SEL1L2: variants seen among roughly 807,000 people sequenced by gnomAD.
The protein encoded by SEL1L2 is protein sel-1 homolog 2.
A neutral mutation model predicts 98.8 loss-of-function variants in SEL1L2; 89 were observed. The ratio of observed to expected loss-of-function variants is 0.90; its 90% confidence interval spans 0.76 to 1.07. The LOEUF (loss-of-function observed/expected upper bound fraction) is 1.07, where lower values mean the gene tolerates loss of function less well. Among genes scored for constraint, SEL1L2 ranks in the 50% least tolerant of loss-of-function variants. The pLI is 0.00. For synonymous variants in SEL1L2, 262 were observed against 278.5 expected (o/e 0.94, Z 0.59); for missense variants, 788 against 812.0 (o/e 0.97, Z 0.36).
chr20:13,905,960 C>T (rs2047912320), intron 5 of SEL1L2, among the ~76,000 whole-genome samples: 1 of 151,234 alleles, frequency 6.6e-6, no homozygotes, highest in Non-Finnish European at 1.5e-5. Flanking sequence ...CTGCAACCTC[C>T]ACCTCCCAGG....
intron 1 of SEL1L2, among the ~76,000 whole-genome samples, chr20:13,975,303 A>G (rs1441270018): frequency 6.6e-6 from 1 of 152,216 alleles, no homozygotes; most frequent in African/African-American, 2.4e-5. Context: ...AAGCAAACAT[A>G]TGTATATTAC....
chr20:13,918,898 G>A (rs1455092993), intron 4 of SEL1L2, 123 bp downstream of exon 4: 1 of 651,088 alleles, frequency 1.5e-6, no homozygotes, highest in Non-Finnish European at 2.7e-6. Flanking sequence ...AAAAACAATA[G>A]TTTATGGGCA....
chr20:13,948,969 A>C (rs2050139410), intron 2 of SEL1L2, among the ~76,000 whole-genome samples: 3 of 152,202 alleles, frequency 2.0e-5, no homozygotes, highest in Admixed American at 1.3e-4. Context: ...TTTATCCAAA[A>C]AACTATCTAT....
intron 2 of SEL1L2, among the ~76,000 whole-genome samples, chr20:13,952,502 C>T (rs749661742): frequency 1.3e-5 from 2 of 152,142 alleles, no homozygotes; most frequent in African/African-American, 4.8e-5. Context: ...TTCATGGGTG[C>T]AAGCTACTTT....
chr20:13,974,473 C>CTATTTT (rs1252330288), intron 1 of SEL1L2, among the ~76,000 whole-genome samples: 11 of 85,280 alleles, frequency 1.3e-4, no homozygotes, highest in African/African-American at 4.1e-4. Flanking sequence ...CTCTCTCTCT[C>CTATTTT]TCTTTTTTTT....
chr20:13,913,946 T>C lies in SEL1L2; in HGVS notation c.387-2A>G. The C allele has an allele frequency of 6.4e-7, 1 of 1,557,864 alleles. No individual in the cohort carries two copies. Among genetic ancestry groups the C allele is most frequent in the Non-Finnish European group, 8.6e-7 (1 of 1,161,908 alleles). ...GCTTTGGCAAAAAGTAGGTAGGCTC[T>C]GTTTCAAGAATATAAAGTCAAGTTT... On this transcript the variant is annotated splice_acceptor_variant, in intron 4 of 19. Transcript: ENST00000284951. LOFTEE classifies it high-confidence loss of function.
chr20:13,858,328 A>T (rs914357874), intron 18 of SEL1L2, among the ~76,000 whole-genome samples: 5 of 152,040 alleles, frequency 3.3e-5, no homozygotes, highest in Non-Finnish European at 7.4e-5. Context: ...TGAAAAGCTC[A>T]CATGCTTGAC....
At chr20:13,891,663 CAAA>C (rs61545047) in intron 5 of SEL1L2, among the ~76,000 whole-genome samples, 21 of 74,200 alleles carry the variant, frequency 2.8e-4, no homozygotes, top group African/African-American at 7.3e-4. Context: ...AAGACTCCAT[CAAA>C]AAAAAAAAAA....
chr20:13,870,148 A>T lies in SEL1L2; in HGVS notation c.1160T>A (p.Val387Asp). 1 of 1,602,386 alleles carries T rather than the reference A, an allele frequency of 6.2e-7. No homozygotes were observed. The highest frequency in any genetic ancestry group is 8.5e-7 in the Non-Finnish European group (1 of 1,170,982). The stretch of plus-strand genomic sequence containing the variant: ...TAAAATAATTTAACTTACCAGGGGA[A>T]CTCCTTTTCCATGAAAGTAAAGAAG... ...LGLLYFHGKG[V>D]PLNYAEALKY... is the part of the protein sequence containing the mutation. The change falls in exon 13 of 20, where the codon GTT becomes GAT. Residue 387 changes from valine to aspartate, a missense_variant. Transcript: ENST00000284951.
intron 12 of SEL1L2, among the ~76,000 whole-genome samples, chr20:13,870,440 T>A (rs1404443807): frequency 6.6e-6 from 1 of 152,212 alleles, no homozygotes; most frequent in South Asian, 2.1e-4. Flanking sequence ...TCAACACTTA[T>A]TTAGGACTTG....
chr20:13,883,087 T>C (rs1445846465), intron 10 of SEL1L2, among the ~76,000 whole-genome samples: 2 of 152,198 alleles, frequency 1.3e-5, no homozygotes, highest in African/African-American at 4.8e-5. Flanking sequence ...CCCAAAGTGC[T>C]GGGATTACAG....
chr20:13,850,815 T>A (rs1255833115), intron 18 of SEL1L2, among the ~76,000 whole-genome samples: 5 of 152,192 alleles, frequency 3.3e-5, no homozygotes, highest in Non-Finnish European at 7.4e-5. Flanking sequence ...GATAATAAGC[T>A]TGTGCTGTTT....
At chr20:13,956,178 T>C (rs1397589326) in intron 1 of SEL1L2, 47 bp from the exon 2 acceptor site, 8 of 993,816 alleles carry the variant, frequency 8.0e-6, no homozygotes, top group Non-Finnish European at 1.2e-5. Flanking sequence ...CATTTTCTTT[T>C]TAAAATTTCA....
In SEL1L2 at chr20:13,888,966, T is replaced by C. The variant is rs563099334; in HGVS notation, c.550-454A>G. On this transcript the variant is annotated intron_variant, in intron 5 of 19. Transcript: ENST00000284951. ...CGGCCTCTTTCTTTTCTTTTCTTTT[T>C]TTTTTTTTTGAGACGAAATTTCAGT... is the stretch of plus-strand genomic sequence containing the variant. 4.4e-3 allele frequency among the ~76,000 whole-genome samples: 653 copies of C among 148,810 alleles called. 3 individuals carry two copies. Among genetic ancestry groups the C allele is most frequent in the Middle Eastern group, 7.4e-3 (2 of 270 alleles).
At chr20:13,961,065 A>G (rs895589847) in intron 1 of SEL1L2, among the ~76,000 whole-genome samples, 1 of 152,310 alleles carries the variant, frequency 6.6e-6, no homozygotes, top group African/African-American at 2.4e-5. Flanking sequence ...TTCAATCTCC[A>G]TAACAACCCA....
rs550284554 is a variant in SEL1L2, at chr20:13,880,262, T to C, written c.958-2674A>G. ...TTGTAATAGAGACTTCTGAAAAAAG[T>C]TTCATTCTGGGAAATCAGTGAAATT... On this transcript the variant is annotated intron_variant, in intron 10 of 19. Coordinates refer to ENST00000284951, the MANE Select transcript of SEL1L2 (RefSeq NM_025229.2). Among the ~76,000 whole-genome samples the C allele has an allele frequency of 1.2e-4, 18 of 152,278 alleles. No individual in the cohort carries two copies. In the East Asian group the frequency reaches 3.5e-3, roughly 29 times the overall value.
intron 5 of SEL1L2, among the ~76,000 whole-genome samples, chr20:13,902,312 C>T (rs922093353): frequency 6.6e-6 from 1 of 152,076 alleles, no homozygotes; most frequent in Non-Finnish European, 1.5e-5. Context: ...TGAAATAATT[C>T]TATAAAGAAA....
rs1013453415 is a variant in SEL1L2, at chr20:13,981,084, A to G, written c.58+9393T>C. On this transcript the variant is annotated intron_variant, in intron 1 of 19. Coordinates refer to ENST00000284951, the MANE Select transcript of SEL1L2 (RefSeq NM_025229.2). ...ATGGTGAAACCCCGTCTCTACTAAA[A>G]ATACAAAATTAGCGGGGCATGGTGG... Among the ~76,000 whole-genome samples, 33 of 152,194 alleles carry G rather than the reference A, an allele frequency of 2.2e-4. 1 individual carries two copies. The highest frequency in any genetic ancestry group is 8.0e-4 in the African/African-American group (33 of 41,436).
chr20:13,982,393 C>T (rs973535038), intron 1 of SEL1L2, among the ~76,000 whole-genome samples: 6 of 150,984 alleles, frequency 4.0e-5, no homozygotes, highest in Non-Finnish European at 7.4e-5. Context: ...TGCCTGAGGT[C>T]CCAGCTAGTT....
Sources: gnomAD v4.1 joint callset for allele counts (sites outside exome capture counted in the v4.1 genomes callset) on GRCh38, gnomAD v4.1.1 for gene constraint, MANE v1.5 for transcripts, NCBI Gene and HGNC (gene_info 2026-07-23, HGNC 2026-07-21) for gene names.